Variants in CAVIN1 observed in about 807,000 individuals in gnomAD.
The protein encoded by CAVIN1 is caveolae associated protein 1, also known as caveolae-associated protein 1.
A neutral mutation model predicts 24.0 loss-of-function variants in CAVIN1; 16 were observed. The observed-to-expected ratio is 0.67, with a 90% confidence interval of 0.45 to 1.01. The LOEUF (loss-of-function observed/expected upper bound fraction) is 1.01, where lower values mean the gene tolerates loss of function less well. Among genes scored for constraint, CAVIN1 ranks in the 50% least tolerant of loss-of-function variants. The probability of loss-of-function intolerance (pLI) is 0.00; values close to 1 mark genes in which losing one functional copy is unlikely to be tolerated. For missense variants in CAVIN1, 510 were observed against 551.7 expected, an observed-to-expected ratio of 0.92 and a Z score of 0.76; for synonymous variants, 256 against 256.4, an observed-to-expected ratio of 1.00 and a Z score of 0.02.
chr17:42,413,855 C>CT (rs1248770104), intron 1 of CAVIN1, among the ~76,000 whole-genome samples: 1 of 152,130 alleles, frequency 6.6e-6, no homozygotes, highest in African/African-American at 2.4e-5. Context: ...AGGCACACAA[C>CT]TTCACTGTCT....
intron 1 of CAVIN1, chr17:42,411,542 C>T: frequency 1.0e-6 from 1 of 985,402 alleles, no homozygotes; most frequent in African/African-American, 1.7e-5. Flanking sequence ...ATCTGGCAAA[C>T]ATAAGCGATC....
chr17:42,405,314 C>G lies in CAVIN1; in HGVS notation c.546G>C (p.Glu182Asp), dbSNP rs1383896830. Residue 182 changes from glutamate (E) to aspartate (D), a missense_variant, in exon 2 of 2, where the codon GAG becomes GAC. Glu to Asp is a conservative substitution (Grantham distance 45). Coordinates refer to ENST00000357037, the MANE Select transcript of CAVIN1 (RefSeq NM_012232.6). ...GCTCGCCCTCGCCCAGCTCCTCGCC[C>G]TCCTTCTCTGGCAGCGCCTCCGACT... The part of the protein sequence containing the change: ...LKESEALPEK[E>D]GEELGEGERP... 6.2e-7 allele frequency: 1 copy of G among 1,611,678 alleles called. No homozygotes were observed. Among genetic ancestry groups the G allele is most frequent in the South Asian group, 1.1e-5 (1 of 91,090 alleles).
chr17:42,407,351 A>C (rs1442387024), intron 1 of CAVIN1, among the ~76,000 whole-genome samples: 1 of 152,054 alleles, frequency 6.6e-6, no homozygotes, highest in African/African-American at 2.4e-5. Flanking sequence ...CCCCTAAGAA[A>C]TTAAGGCAAC....
At chr17:42,408,646 C>G (rs1334957295) in intron 1 of CAVIN1, among the ~76,000 whole-genome samples, 1 of 152,036 alleles carries the variant, frequency 6.6e-6, no homozygotes, top group East Asian at 1.9e-4. Flanking sequence ...CATGTGCCAC[C>G]ACACCTGGCT....
Position 42,422,702 on chromosome 17 carries a change from C to A in CAVIN1, c.396G>T (p.Ala132=). 1 of 1,608,418 alleles carries A rather than the reference C, an allele frequency of 6.2e-7. No individual in the cohort carries two copies. Among genetic ancestry groups the A allele is most frequent in the East Asian group, 2.2e-5 (1 of 44,536 alleles). The change falls in exon 1 of 2, where the codon GCG becomes GCT. Residue 132 remains alanine (A), a synonymous_variant. Transcript: ENST00000357037. ...TGACCTCCAGCTTCTTGATCTGCCC[C>A]GCCTGGCGCTCCAGGCTGCCGCGCA... ...KTVRGSLERQ[A]GQIKKLEVNE...
At position 42,404,824 on chromosome 17, in the gene CAVIN1, C is replaced by A; in HGVS notation, c.1036G>T (p.Ala346Ser). ...LKATEMVEVG[A>S]DDDEGGAERG... ...TCCGCGCCGCCCTCGTCGTCGTCGG[C>A]GCCCACCTCCACCATCTCGGTGGCC... is the stretch of plus-strand genomic sequence containing the variant. Residue 346 changes from alanine to serine, a missense_variant, in exon 2 of 2, where the codon GCC becomes TCC. Coordinates refer to ENST00000357037, the MANE Select transcript of CAVIN1 (RefSeq NM_012232.6). The A allele has an allele frequency of 6.2e-7, 1 of 1,613,028 alleles. No individual in the cohort carries two copies. The highest frequency in any genetic ancestry group is 8.5e-7 in the Non-Finnish European group (1 of 1,179,470).
intron 1 of CAVIN1, 27 bp from the exon 2 acceptor site, chr17:42,405,415 G>C: frequency 6.3e-7 from 1 of 1,599,582 alleles, no homozygotes. Flanking sequence ...AGGGACATGA[G>C]AGGCGTCGGA....
In CAVIN1 at chr17:42,405,637, G is replaced by A. The variant is rs568310509; in HGVS notation, c.472-249C>T. Among the ~76,000 whole-genome samples the A allele has an allele frequency of 5.4e-4, 81 of 148,880 alleles. 1 individual carries two copies. Among genetic ancestry groups the A allele is most frequent in the African/African-American group, 1.8e-3 (74 of 40,298 alleles). ...CCTGGGCAACATATCACCCATCTCCGGCCCCCCAACCCCGCGTCGCCATTC... is the reference window on the plus strand; with the variant it reads ...CCTGGGCAACATATCACCCATCTCCAGCCCCCCAACCCCGCGTCGCCATTC... On this transcript the variant is annotated intron_variant, in intron 1 of 1. Transcript: ENST00000357037.
At chr17:42,414,205 C>T (rs1434948868) in intron 1 of CAVIN1, among the ~76,000 whole-genome samples, 2 of 152,040 alleles carry the variant, frequency 1.3e-5, no homozygotes, top group African/African-American at 4.8e-5. Context: ...CCAGATTAAT[C>T]TGTTTTCATT....
chr17:42,413,604 T>TAAAAAAA (rs2085494813), intron 1 of CAVIN1, among the ~76,000 whole-genome samples: 1 of 78,728 alleles, frequency 1.3e-5, no homozygotes, highest in Admixed American at 1.5e-4. Flanking sequence ...AAAAAAGAGG[T>TAAAAAAA]CCCTGGGGCC....
chr17:42,405,355 T>C lies in CAVIN1; in HGVS notation c.505A>G (p.Ser169Gly). The change falls in exon 2 of 2, where the codon AGC (serine) becomes GGC (glycine). Residue 169 changes from serine (S) to glycine (G), a missense_variant. Transcript: ENST00000357037. ...GCCTCCGACTCTTTCAGCGATTTGC[T>C]GATGCTCAGTTTGGCCGGCAGCTTC... ...EVKLPAKLSI[S>G]KSLKESEALP... is the part of the protein sequence containing the mutation. 1 of 1,607,894 alleles carries C rather than the reference T, an allele frequency of 6.2e-7. No homozygotes were observed. Among genetic ancestry groups the C allele is most frequent in the Non-Finnish European group, 8.5e-7 (1 of 1,179,964 alleles).
At chr17:42,417,125 G>C (rs549369484) in intron 1 of CAVIN1, among the ~76,000 whole-genome samples, 4 of 152,254 alleles carry the variant, frequency 2.6e-5, no homozygotes, top group African/African-American at 9.6e-5. Context: ...CAACGTTTCA[G>C]TCAACAGACG....
chr17:42,422,487 A>G (rs1598581750), intron 1 of CAVIN1, 140 bp downstream of exon 1: 2 of 186,682 alleles, frequency 1.1e-5, no homozygotes, highest in Non-Finnish European at 2.1e-5. Context: ...CGCTCACCGG[A>G]AGGAGGGTGG....
intron 1 of CAVIN1, among the ~76,000 whole-genome samples, chr17:42,405,914 CG>C (rs1389144624): frequency 6.6e-6 from 1 of 151,964 alleles, no homozygotes. Context: ...CTCGAACTCC[CG>C]ACCTCAGGTG....
chr17:42,408,766 C>T (rs1438234961), intron 1 of CAVIN1, among the ~76,000 whole-genome samples: 2 of 149,232 alleles, frequency 1.3e-5, no homozygotes. Flanking sequence ...GCTGGGATTA[C>T]AAGCCTAAGC....
intron 1 of CAVIN1, 97 bp downstream of exon 1, chr17:42,422,530 G>T: frequency 1.0e-6 from 1 of 976,494 alleles, no homozygotes; most frequent in South Asian, 1.6e-5. Flanking sequence ...GCTGGGAGGG[G>T]AGCAGCGCCA....
chr17:42,411,548 C>T (rs1347896479), intron 1 of CAVIN1: 7 of 985,324 alleles, frequency 7.1e-6, no homozygotes, highest in East Asian at 2.3e-4. Context: ...CAAACATAAG[C>T]GATCTCTTTG....
At chr17:42,413,538 G>A (rs534848621) in intron 1 of CAVIN1, among the ~76,000 whole-genome samples, 3 of 124,510 alleles carry the variant, frequency 2.4e-5, no homozygotes, top group Admixed American at 1.0e-4. Flanking sequence ...TAGCCTGGGC[G>A]ACAGAGCAAA....
chr17:42,412,363 C>T (rs1254033960), intron 1 of CAVIN1: 1 of 468,476 alleles, frequency 2.1e-6, no homozygotes, highest in Non-Finnish European at 2.8e-6. Context: ...GAGGGGAGCA[C>T]AATGTATTAG....
Sources: gnomAD v4.1 joint callset for allele counts (sites outside exome capture counted in the v4.1 genomes callset) on GRCh38, gnomAD v4.1.1 for gene constraint, MANE v1.5 for transcripts, NCBI Gene and HGNC (gene_info 2026-07-23, HGNC 2026-07-21) for gene names.